TJP1: variants seen among roughly 807,000 people sequenced by gnomAD.
The protein encoded by TJP1 is tight junction protein 1.
A neutral mutation model predicts 194.2 loss-of-function variants in TJP1; 43 were observed. The observed-to-expected ratio is 0.22, with a 90% CI of 0.17 to 0.29. The LOEUF (loss-of-function observed/expected upper bound fraction) is 0.29. TJP1 is among the 10% of genes least tolerant of loss of function. TJP1 has a pLI of 1.00. For missense variants in TJP1, 1,971 were observed against 2,185.7 expected, an observed-to-expected ratio of 0.90 and a Z score of 1.96; for synonymous variants, 801 against 779.0, an observed-to-expected ratio of 1.03 and a Z score of -0.47.
intron 18 of TJP1, among the ~76,000 whole-genome samples, chr15:29,724,545 A>G (rs537978605): frequency 2.0e-5 from 3 of 152,322 alleles, no homozygotes; most frequent in Admixed American, 6.5e-5. Flanking sequence ...GTTGCTTTGA[A>G]CTAGGAAATA....
At chr15:29,797,278 T>C (rs2048475581) in intron 2 of TJP1, among the ~76,000 whole-genome samples, 1 of 152,112 alleles carries the variant, frequency 6.6e-6, no homozygotes, top group African/African-American at 2.4e-5. Context: ...GCCTCCCGAG[T>C]AGCTGGGACT....
intron 8 of TJP1, among the ~76,000 whole-genome samples, chr15:29,749,224 T>C (rs1038274882): frequency 2.6e-5 from 4 of 151,848 alleles, no homozygotes; most frequent in African/African-American, 7.3e-5. Context: ...TATGAGCTAG[T>C]TGAAAGCTCT....
At position 29,738,050 on chromosome 15, in the gene TJP1, T is replaced by C. The variant is rs45562339; in HGVS notation, c.1257-636A>G. On this transcript the variant is annotated intron_variant, in intron 10 of 27. Coordinates refer to ENST00000614355, the MANE Select transcript of TJP1 (RefSeq NM_001330239.4). ...GCCCCATATCCATTCTGTCCCTTTCTAGTTCTCTGAATGGAAAAAAAAAAT... is the reference window on the plus strand; with the variant it reads ...GCCCCATATCCATTCTGTCCCTTTCCAGTTCTCTGAATGGAAAAAAAAAAT... 8.9e-3 allele frequency among the ~76,000 whole-genome samples: 1,355 copies of C among 152,194 alleles called. 20 individuals are homozygous for C. Among genetic ancestry groups the C allele is most frequent in the African/African-American group, 0.028 (1,151 of 41,524 alleles).
Position 29,732,980 on chromosome 15 carries a change from C to A in TJP1, c.1736+114G>T, listed in dbSNP as rs528091197. 5 of 1,288,244 alleles carry A rather than the reference C, an allele frequency of 3.9e-6. No homozygotes were observed. In the Admixed American group the frequency reaches 7.2e-5, roughly 19 times the overall value. 79.8% of individuals were successfully genotyped at this position (1,288,244 alleles called of 1,614,324 possible). A position where few individuals can be genotyped will look rare whatever the true frequency, so the allele number is the denominator to read the frequency against. ...TGTAAACCTAAGTCAGTTATAGATACGTTGAATACAATGAAAAAGAATTCT... is the reference window on the plus strand; with the variant it reads ...TGTAAACCTAAGTCAGTTATAGATAAGTTGAATACAATGAAAAAGAATTCT... On this transcript the variant is annotated intron_variant, in intron 13 of 27. Transcript: ENST00000614355.
At position 29,896,973 on chromosome 15, in the gene TJP1, T is replaced by C. The variant is rs147888707; in HGVS notation, c.306+59259A>G. On this transcript the variant is annotated intron_variant, in intron 2 of 28. Transcript: ENST00000356107. The stretch of plus-strand genomic sequence containing the variant: ...GAAAATTTGCAGCCTGACAATGCAA[T>C]AGAAAAAAAAATCCCATTTTCTAAG... 6.4e-4 allele frequency among the ~76,000 whole-genome samples: 97 copies of C among 151,968 alleles called. 2 individuals are homozygous for C. In the Middle Eastern group the frequency reaches 0.031, roughly 48 times the overall value.
intron 2 of TJP1, among the ~76,000 whole-genome samples, chr15:29,942,976 A>G (rs2055134626): frequency 6.6e-6 from 1 of 152,198 alleles, no homozygotes; most frequent in Non-Finnish European, 1.5e-5. Context: ...TGCTGCACAC[A>G]TACCAAGGAT....
intron 16 of TJP1, among the ~76,000 whole-genome samples, 159 bp from the exon 17 acceptor site, chr15:29,727,150 C>G (rs983611122): frequency 2.6e-5 from 4 of 152,128 alleles, no homozygotes; most frequent in Admixed American, 2.6e-4. Context: ...TCCAGACCAG[C>G]CTGGCCAGTA....
chr15:29,949,460 T>TCCA (rs1224307888), intron 2 of TJP1, among the ~76,000 whole-genome samples: 2 of 30,482 alleles, frequency 6.6e-5, no homozygotes, highest in East Asian at 1.6e-3. Flanking sequence ...CACCACCACT[T>TCCA]CCACCACCAC....
chr15:29,895,066 T>C (rs1405806314), intron 2 of TJP1, among the ~76,000 whole-genome samples: 3 of 152,204 alleles, frequency 2.0e-5, no homozygotes, highest in Non-Finnish European at 2.9e-5. Context: ...GGCCTTGTGA[T>C]GACAGTGGTA....
chr15:29,835,909 GAGAGAGAC>G (rs1473705369), intron 2 of TJP1, among the ~76,000 whole-genome samples: 15 of 152,058 alleles, frequency 9.9e-5, no homozygotes, highest in Admixed American at 5.2e-4. Context: ...GAGAGAGACA[GAGAGAGAC>G]AGAGAGAGAG....
At chr15:29,759,465 C>T (rs1460013312) in intron 8 of TJP1, 2 of 152,146 alleles carry the variant, frequency 1.3e-5, no homozygotes, top group African/African-American at 4.8e-5. Flanking sequence ...CTCATAGTTA[C>T]TTTTCTTAGT....
At chr15:29,940,102 G>T (rs922457112) in intron 2 of TJP1, among the ~76,000 whole-genome samples, 2 of 152,182 alleles carry the variant, frequency 1.3e-5, no homozygotes, top group Admixed American at 1.3e-4. Context: ...ACTGGGTGGG[G>T]TTTATGACAG....
At chr15:29,886,471 T>G (rs190537185) in intron 2 of TJP1, among the ~76,000 whole-genome samples, 2,171 of 151,936 alleles carry the variant, frequency 0.014, 47 homozygotes, top group African/African-American at 0.05. Flanking sequence ...AGGGTCCCTG[T>G]AGTCACAGTT....
At chr15:29,928,215 A>G (rs1243484718) in intron 2 of TJP1, among the ~76,000 whole-genome samples, 1 of 152,212 alleles carries the variant, frequency 6.6e-6, no homozygotes, top group Non-Finnish European at 1.5e-5. Context: ...TCAACAAGAT[A>G]AAAGATGAGA....
chr15:29,757,768 C>G (rs1449278249), intron 8 of TJP1, among the ~76,000 whole-genome samples: 1 of 152,200 alleles, frequency 6.6e-6, no homozygotes, highest in Non-Finnish European at 1.5e-5. Context: ...GTTCCCACAT[C>G]TAGCAGTGCA....
intron 4 of TJP1, among the ~76,000 whole-genome samples, chr15:29,771,855 T>C (rs548570863): frequency 5.3e-5 from 8 of 151,298 alleles, no homozygotes; most frequent in Admixed American, 1.3e-4. Context: ...CCTTTTTCAA[T>C]TGAAAAAAAT....
intron 2 of TJP1, among the ~76,000 whole-genome samples, chr15:29,874,104 C>T (rs999432636): frequency 6.6e-6 from 1 of 152,144 alleles, no homozygotes; most frequent in Non-Finnish European, 1.5e-5. Flanking sequence ...ATTCCATGTA[C>T]TTTTTCAGGT....
At chr15:29,851,184 GA>G (rs1254886305) in intron 2 of TJP1, among the ~76,000 whole-genome samples, 1 of 151,662 alleles carries the variant, frequency 6.6e-6, no homozygotes, top group Non-Finnish European at 1.5e-5. Flanking sequence ...ATAAATTATA[GA>G]AAAGACCAGC....
upstream of TJP1, chr15:29,823,482 G>A (rs1156374675): frequency 6.6e-6 from 1 of 152,228 alleles, no homozygotes; most frequent in Non-Finnish European, 1.5e-5. Context: ...ATCTGGTATA[G>A]TGCCACAACC....
Sources: allele counts gnomAD v4.1 joint callset (sites outside exome capture counted in the v4.1 genomes callset), GRCh38; gene constraint gnomAD v4.1.1; transcripts MANE v1.5; gene names NCBI Gene and HGNC (gene_info 2026-07-23, HGNC 2026-07-21).